Variants in GALNT9 observed in about 807,000 individuals in gnomAD.
The protein encoded by GALNT9 is GalNAc transferase 9.
A neutral mutation model predicts 63.1 loss-of-function variants in GALNT9; 47 were observed. The observed-to-expected ratio is 0.75, with a 90% CI of 0.59 to 0.95. The LOEUF (loss-of-function observed/expected upper bound fraction) is 0.95, where lower values mean the gene tolerates loss of function less well. GALNT9 is among the 40% of genes least tolerant of loss of function. GALNT9 has a pLI of 0.00. For missense variants in GALNT9, 829 were observed against 874.8 expected, an observed-to-expected ratio of 0.95 and a Z score of 0.66; for synonymous variants, 396 against 365.7, an observed-to-expected ratio of 1.08 and a Z score of -0.94.
At chr12:132,273,835 CCAGGGAGCA>C (rs782100745) in intron 2 of GALNT9, 1 of 152,330 alleles carries the variant, frequency 6.6e-6, no homozygotes, top group Non-Finnish European at 1.5e-5. Context: ...TCGGCCCCAT[CCAGGGAGCA>C]CAGGGCGCCC....
intron 2 of GALNT9, among the ~76,000 whole-genome samples, chr12:132,269,467 G>A (rs1555240539): frequency 6.6e-6 from 1 of 151,986 alleles, no homozygotes; most frequent in Non-Finnish European, 1.5e-5. Flanking sequence ...TGGTGCTGCT[G>A]GAAAAAGCAA....
At chr12:132,271,369 G>T (rs530010346) in intron 2 of GALNT9, among the ~76,000 whole-genome samples, 1 of 152,168 alleles carries the variant, frequency 6.6e-6, no homozygotes, top group East Asian at 1.9e-4. Context: ...GCTCCCACCC[G>T]CACACCTGTA....
chr12:132,313,064 T>C (rs1555245312), intron 1 of GALNT9, among the ~76,000 whole-genome samples: 2 of 151,440 alleles, frequency 1.3e-5, no homozygotes, highest in East Asian at 3.9e-4. Context: ...TACCCACCCA[T>C]CCATCCACCC....
At chr12:132,291,547 A>G (rs1347041272) in intron 1 of GALNT9, among the ~76,000 whole-genome samples, 3 of 146,572 alleles carry the variant, frequency 2.0e-5, no homozygotes, top group Non-Finnish European at 4.5e-5. Context: ...CACACCACCG[A>G]CATCCACAGC....
intron 2 of GALNT9, among the ~76,000 whole-genome samples, chr12:132,267,885 T>TCACA (rs374414835): frequency 0.11 from 13,348 of 123,930 alleles, 2,150 homozygotes; most frequent in African/African-American, 0.38. Context: ...CCACATGCAC[T>TCACA]CACACGCACA....
intron 5 of GALNT9, among the ~76,000 whole-genome samples, chr12:132,250,390 T>C (rs1382937942): frequency 1.3e-5 from 2 of 152,170 alleles, no homozygotes; most frequent in African/African-American, 4.8e-5. Flanking sequence ...ACTGTGATGG[T>C]CGAAACACCG....
intron 1 of GALNT9, among the ~76,000 whole-genome samples, chr12:132,301,574 A>T (rs781965628): frequency 1.1e-4 from 17 of 152,230 alleles, no homozygotes; most frequent in Non-Finnish European, 2.2e-4. Context: ...CTGTGCGAAC[A>T]TTCACCGCCG....
At chr12:132,242,444 C>G (rs1555237375) in intron 6 of GALNT9, among the ~76,000 whole-genome samples, 1 of 7,260 alleles carries the variant, frequency 1.4e-4, no homozygotes, top group Non-Finnish European at 2.3e-4. Flanking sequence ...TCCCGGGGCC[C>G]TCCCTATACC....
chr12:132,227,481 G>A (rs1021561719), intron 6 of GALNT9, among the ~76,000 whole-genome samples: 59 of 152,340 alleles, frequency 3.9e-4, no homozygotes, highest in Non-Finnish European at 5.7e-4. Context: ...TCTGACAGAC[G>A]CAGACGGGCT....
chr12:132,285,903 G>A (rs1430541210), intron 2 of GALNT9, among the ~76,000 whole-genome samples: 3 of 151,982 alleles, frequency 2.0e-5, no homozygotes, highest in Non-Finnish European at 4.4e-5. Flanking sequence ...GAGAGAGACA[G>A]GAGAGACAGA....
intron 6 of GALNT9, among the ~76,000 whole-genome samples, chr12:132,218,956 AC>A (rs1877326736): frequency 2.0e-5 from 3 of 152,010 alleles, no homozygotes; most frequent in Admixed American, 2.0e-4. Context: ...ACCCCCAAGA[AC>A]CGCAAATTCC....
chr12:132,256,467 G>T (rs150706609), intron 5 of GALNT9, among the ~76,000 whole-genome samples: 1 of 151,202 alleles, frequency 6.6e-6, no homozygotes, highest in Admixed American at 6.6e-5. Flanking sequence ...GAGTAACGCC[G>T]CTGTGAACGT....
intron 6 of GALNT9, among the ~76,000 whole-genome samples, chr12:132,228,222 ACACCCCCGCGTCC>A (rs1181859918): frequency 2.6e-5 from 4 of 151,550 alleles, no homozygotes; most frequent in Non-Finnish European, 5.9e-5. Flanking sequence ...CAGAAAGGAG[ACACCCCCGCGTCC>A]CTCCCCGGCG....
chr12:132,268,155 A>C (rs1283064137), intron 2 of GALNT9, among the ~76,000 whole-genome samples: 6 of 151,498 alleles, frequency 4.0e-5, no homozygotes, highest in Non-Finnish European at 7.4e-5. Flanking sequence ...ACGCAATCTC[A>C]CACAAGCACA....
intron 1 of GALNT9, among the ~76,000 whole-genome samples, chr12:132,294,688 G>A (rs1045006708): frequency 2.6e-5 from 4 of 152,164 alleles, no homozygotes; most frequent in East Asian, 3.9e-4. Flanking sequence ...AGGAAGGCAG[G>A]GCAGGAGCAG....
chr12:132,320,868 T>C (rs1555246067), intron 1 of GALNT9, among the ~76,000 whole-genome samples: 1 of 152,186 alleles, frequency 6.6e-6, no homozygotes, highest in Non-Finnish European at 1.5e-5. Flanking sequence ...CCCCCGAGGC[T>C]GTTGCTCCGG....
Position 132,197,253 on chromosome 12 carries a change from T to G in GALNT9, c.1666A>C (p.Ser556Arg), listed in dbSNP as rs1274452743. 5.0e-6 allele frequency: 8 copies of G among 1,611,358 alleles called. No individual in the cohort carries two copies. Among genetic ancestry groups the G allele is most frequent in the Non-Finnish European group, 6.8e-6 (8 of 1,179,730 alleles). The change falls in exon 11 of 11, where the codon AGT becomes CGT. Residue 556 changes from serine (S) to arginine (R), a missense_variant and splice_region_variant. Transcript: ENST00000328957. Reference sequence around the variant, plus strand: ...GTGGCCCGGCTCACAATGGGGCCACTCTGTGGGGACAGGCACATCAAGTCA... The same window carrying G: ...GTGGCCCGGCTCACAATGGGGCCACGCTGTGGGGACAGGCACATCAAGTCA... Reference protein sequence around the residue: ...PTQRLWDFTQSGPIVSRATGR... With the variant: ...PTQRLWDFTQRGPIVSRATGR...
At position 132,218,597 on chromosome 12, in the gene GALNT9, G is replaced by A. The variant is rs554883454; in HGVS notation, c.1078-14907C>T. On this transcript the variant is annotated intron_variant, in intron 6 of 10. Transcript: ENST00000328957. Reference sequence around the variant, plus strand: ...TTCCTCTGGTACGGCTGTGGGTGACGCCACCCTCTTGTCACACACATGCCT... The same window carrying A: ...TTCCTCTGGTACGGCTGTGGGTGACACCACCCTCTTGTCACACACATGCCT... Among the ~76,000 whole-genome samples, 5 of 152,302 alleles carry A rather than the reference G, an allele frequency of 3.3e-5. No homozygotes were observed. The East Asian group carries it at 5.8e-4, about 18-fold the overall frequency.
rs191623462 is a variant in GALNT9, at chr12:132,219,051, G to A, written c.1078-15361C>T. ...GAGCTCTCGGGGTGCTGCCGATGGAGCCGTTCGAGGAGAGCAGAGCCAAGT... is the reference window on the plus strand; with the variant it reads ...GAGCTCTCGGGGTGCTGCCGATGGAACCGTTCGAGGAGAGCAGAGCCAAGT... On this transcript the variant is annotated intron_variant, in intron 6 of 10. Coordinates refer to ENST00000328957, the MANE Select transcript of GALNT9 (RefSeq NM_001122636.2). 7.9e-4 allele frequency among the ~76,000 whole-genome samples: 120 copies of A among 152,226 alleles called. 2 individuals carry two copies. The East Asian group carries it at 0.021, about 27-fold the overall frequency.
Sources: allele counts gnomAD v4.1 joint callset (sites outside exome capture counted in the v4.1 genomes callset), GRCh38; gene constraint gnomAD v4.1.1; transcripts MANE v1.5; gene names NCBI Gene and HGNC (gene_info 2026-07-23, HGNC 2026-07-21).